Variants in KCNN2 observed in about 807,000 individuals in gnomAD.
KCNN2 encodes the protein small conductance calcium-activated potassium channel protein 2.
KCNN2 carries 24 observed loss-of-function variants against 55.5 expected under a neutral mutation model. That is an observed-to-expected ratio of 0.43 (90% CI 0.31 to 0.61). KCNN2 has a LOEUF of 0.61. Among genes scored for constraint, KCNN2 ranks in the 20% least tolerant of loss-of-function variants. KCNN2 has a pLI of 0.08. For synonymous variants in KCNN2, 431 were observed against 336.1 expected, an observed-to-expected ratio of 1.28 and a Z score of -3.09; for missense variants, 754 against 853.6, an observed-to-expected ratio of 0.88 and a Z score of 1.45.
chr5:114,412,420 A>G (rs1043787645), intron 3 of KCNN2, among the ~76,000 whole-genome samples: 2 of 128,898 alleles, frequency 1.6e-5, no homozygotes, highest in African/African-American at 3.6e-5. Context: ...TTAAGATTCA[A>G]TATGTGATCA....
intron 2 of KCNN2, among the ~76,000 whole-genome samples, chr5:114,340,895 T>A (rs1465619096): frequency 6.6e-6 from 1 of 152,218 alleles, no homozygotes; most frequent in Non-Finnish European, 1.5e-5. Flanking sequence ...GTTTATGAGT[T>A]TGACATTTTT....
chr5:114,175,388 T>G (rs929828662), intron 1 of KCNN2, among the ~76,000 whole-genome samples: 1 of 152,198 alleles, frequency 6.6e-6, no homozygotes, highest in Non-Finnish European at 1.5e-5. Flanking sequence ...TTCCGCCCTT[T>G]AAAATAATGT....
At chr5:114,278,977 A>C (rs1320124821) in intron 2 of KCNN2, among the ~76,000 whole-genome samples, 2 of 151,642 alleles carry the variant, frequency 1.3e-5, no homozygotes, top group Non-Finnish European at 2.9e-5. Flanking sequence ...TGCAGATCGG[A>C]GCTGTTCCTG....
intron 4 of KCNN2, among the ~76,000 whole-genome samples, chr5:114,472,530 C>G (rs1761792652): frequency 7.9e-6 from 1 of 127,070 alleles, no homozygotes; most frequent in Non-Finnish European, 1.7e-5. Flanking sequence ...TGTTACGCTT[C>G]CTCTTGTGTG....
chr5:114,183,902 G>C (rs548427279), intron 1 of KCNN2, among the ~76,000 whole-genome samples: 7 of 151,460 alleles, frequency 4.6e-5, no homozygotes, highest in Admixed American at 1.3e-4. Context: ...AATTTGCTTT[G>C]CTCATCTTTT....
chr5:114,432,811 G>T (rs1050866042), intron 3 of KCNN2, among the ~76,000 whole-genome samples: 1 of 152,230 alleles, frequency 6.6e-6, no homozygotes, highest in Non-Finnish European at 1.5e-5. Flanking sequence ...GGCAATGAGG[G>T]GCTTAGCACC....
At chr5:114,128,126 G>A (rs1266252924) in intron 1 of KCNN2, among the ~76,000 whole-genome samples, 2 of 152,028 alleles carry the variant, frequency 1.3e-5, no homozygotes, top group Admixed American at 1.3e-4. Flanking sequence ...CCACATTTTT[G>A]AGTATCTTTA....
chr5:114,217,158 A>G (rs867028042), intron 1 of KCNN2, among the ~76,000 whole-genome samples: 5 of 152,164 alleles, frequency 3.3e-5, no homozygotes, highest in South Asian at 4.1e-4. Context: ...GGAAAACTCA[A>G]TATCATCAAT....
intron 5 of KCNN2, among the ~76,000 whole-genome samples, chr5:114,477,559 C>T (rs952113971): frequency 3.3e-5 from 5 of 152,144 alleles, no homozygotes; most frequent in African/African-American, 1.2e-4. Flanking sequence ...GAAGTGAAAA[C>T]ATAATACCAT....
At chr5:114,297,788 A>T (rs1319874460) in intron 2 of KCNN2, among the ~76,000 whole-genome samples, 1 of 152,206 alleles carries the variant, frequency 6.6e-6, no homozygotes, top group Non-Finnish European at 1.5e-5. Context: ...AGTTTTAATA[A>T]CATGAAAAAT....
chr5:114,255,034 T>C (rs1754954499), intron 2 of KCNN2, among the ~76,000 whole-genome samples: 2 of 152,146 alleles, frequency 1.3e-5, no homozygotes, highest in Admixed American at 6.6e-5. Context: ...AATGGCTCTA[T>C]TGAGAGGTAC....
At chr5:114,488,503 A>G (rs943349298) in intron 6 of KCNN2, among the ~76,000 whole-genome samples, 2 of 152,194 alleles carry the variant, frequency 1.3e-5, no homozygotes, top group Non-Finnish European at 2.9e-5. Flanking sequence ...CTGGCTCACA[A>G]GAGGGAACTT....
chr5:114,484,981 T>A (rs1374525054), intron 5 of KCNN2, among the ~76,000 whole-genome samples: 2 of 152,178 alleles, frequency 1.3e-5, no homozygotes, highest in East Asian at 3.8e-4. Flanking sequence ...ACTCTGAGAT[T>A]AAGATTCTGT....
chr5:114,118,541 A>G (rs1197940623), intron 1 of KCNN2, among the ~76,000 whole-genome samples: 1 of 152,044 alleles, frequency 6.6e-6, no homozygotes, highest in Non-Finnish European at 1.5e-5. Context: ...GGCAGAAAAA[A>G]TAAGAGGAGG....
chr5:114,413,980 G>A (rs1231191313), intron 3 of KCNN2, among the ~76,000 whole-genome samples: 2 of 152,162 alleles, frequency 1.3e-5, no homozygotes, highest in African/African-American at 4.8e-5. Context: ...GGAACATAAA[G>A]TCTAAATGTA....
intron 2 of KCNN2, among the ~76,000 whole-genome samples, chr5:114,366,926 T>C (rs1029637997): frequency 1.3e-5 from 2 of 152,244 alleles, no homozygotes; most frequent in Non-Finnish European, 2.9e-5. Flanking sequence ...CTTTTTAGCA[T>C]ATCAGTATGA....
intron 1 of KCNN2, among the ~76,000 whole-genome samples, chr5:114,190,826 A>C (rs995514334): frequency 6.6e-5 from 10 of 152,186 alleles, no homozygotes; most frequent in African/African-American, 2.4e-4. Context: ...TGGAATAGCT[A>C]TGGTACTTCT....
chr5:114,444,625 G>A (rs1487415485), intron 3 of KCNN2, among the ~76,000 whole-genome samples: 1 of 152,104 alleles, frequency 6.6e-6, no homozygotes, highest in African/African-American at 2.4e-5. Context: ...ATAGGTAAAG[G>A]TGACTTCAAC....
intron 2 of KCNN2, among the ~76,000 whole-genome samples, chr5:114,261,767 G>C (rs569448635): frequency 6.6e-6 from 1 of 152,144 alleles, no homozygotes; most frequent in Non-Finnish European, 1.5e-5. Context: ...GGGTTAGTTC[G>C]CAGAAAGTTC....
Sources: gnomAD v4.1 joint callset for allele counts (sites outside exome capture counted in the v4.1 genomes callset) on GRCh38, gnomAD v4.1.1 for gene constraint, MANE v1.5 for transcripts, NCBI Gene and HGNC (gene_info 2026-07-23, HGNC 2026-07-21) for gene names.